CHEK2: variants seen among roughly 807,000 people sequenced by gnomAD.
The protein encoded by CHEK2 is serine/threonine-protein kinase Chk2.
Under a neutral mutation model 69.1 loss-of-function variants are expected in CHEK2, and 71 were observed. The observed-to-expected ratio is 1.03, with a 90% CI of 0.85 to 1.25. The LOEUF (loss-of-function observed/expected upper bound fraction) is 1.25. Among genes scored for constraint, CHEK2 ranks in the 50% most tolerant of loss-of-function variants. The pLI, the probability that CHEK2 is intolerant of heterozygous loss-of-function variation, is 0.00. For synonymous variants in CHEK2, 189 were observed against 226.9 expected, an observed-to-expected ratio of 0.83 and a Z score of 1.50; for missense variants, 664 against 649.6, an observed-to-expected ratio of 1.02 and a Z score of -0.24.
At chr22:28,718,793 G>T (rs906978710) in intron 5 of CHEK2, among the ~76,000 whole-genome samples, 4 of 151,338 alleles carry the variant, frequency 2.6e-5, no homozygotes, top group African/African-American at 9.7e-5. Context: ...AAGGTGGGAG[G>T]ATCACTTGAG....
intron 9 of CHEK2, among the ~76,000 whole-genome samples, chr22:28,697,608 C>G (rs932182832): frequency 6.6e-6 from 1 of 151,354 alleles, no homozygotes; most frequent in East Asian, 1.9e-4. Context: ...CTCACTCTGT[C>G]CCCCAGGCTG....
chr22:28,703,358 C>G (rs890514179), intron 8 of CHEK2, 147 bp downstream of exon 8: 1 of 608,174 alleles, frequency 1.6e-6, no homozygotes, highest in South Asian at 2.0e-5. Flanking sequence ...GATATTAACC[C>G]CCTATACACA....
At position 28,725,095 on chromosome 22, in the gene CHEK2, T is replaced by C. The variant is rs745699485; in HGVS notation, c.474A>G (p.Ala158=). ...REVGPKNSYI[A]YIEDHSGNGT... Reference sequence around the variant, plus strand: ...CATTGCCACTGTGATCTTCTATGTATGCAATGTAAGAGTTTTTAGGACCCA... The same window carrying C: ...CATTGCCACTGTGATCTTCTATGTACGCAATGTAAGAGTTTTTAGGACCCA... The change falls in exon 4 of 15, where the codon GCA becomes GCG. Residue 158 remains alanine (A), a synonymous_variant. Coordinates refer to ENST00000404276, the MANE Select transcript of CHEK2 (RefSeq NM_007194.4). 82 of 1,614,024 alleles carry C rather than the reference T, an allele frequency of 5.1e-5. No individual in the cohort carries two copies. Among genetic ancestry groups the C allele is most frequent in the Non-Finnish European group, 6.7e-5 (79 of 1,180,016 alleles).
In CHEK2 at chr22:28,699,991, A is replaced by G; in HGVS notation, c.909-54T>C. 2.5e-6 allele frequency: 3 copies of G among 1,185,640 alleles called. No homozygotes were observed. The Middle Eastern group carries it at 5.8e-4, about 230-fold the overall frequency. The allele number at this position is 1,185,640 out of a possible 1,614,324, so 73.4% of individuals were successfully genotyped here. A position where few individuals can be genotyped will look rare whatever the true frequency, so the allele number is the denominator to read the frequency against. On this transcript the variant is annotated intron_variant, in intron 8 of 14. Coordinates refer to ENST00000404276, the MANE Select transcript of CHEK2 (RefSeq NM_007194.4). ...CATTCCTGGGGGAAAACGCACTTGG[A>G]CAGAAGACAATAAAACAACAAAACA...
intron 9 of CHEK2, among the ~76,000 whole-genome samples, chr22:28,699,153 C>T (rs570050226): frequency 1.3e-4 from 20 of 152,070 alleles, no homozygotes; most frequent in Non-Finnish European, 2.4e-4. Context: ...CACAGGTGCC[C>T]GCCACCATGC....
At chr22:28,713,873 G>T (rs1389157070) in intron 5 of CHEK2, among the ~76,000 whole-genome samples, 1 of 151,702 alleles carries the variant, frequency 6.6e-6, no homozygotes, top group Non-Finnish European at 1.5e-5. Context: ...TAGAGACGGG[G>T]TTTCACCATG....
intron 1 of CHEK2, among the ~76,000 whole-genome samples, chr22:28,741,148 CAAAAAA>C (rs71194792): frequency 0.028 from 1,423 of 51,112 alleles, 18 homozygotes; most frequent in African/African-American, 0.093. Flanking sequence ...GACTCCGTCT[CAAAAAA>C]AAAAAAAAAA....
rs17885898 is a variant in CHEK2, at chr22:28,718,582, A to G, written c.683+813T>C. 9.0e-3 allele frequency among the ~76,000 whole-genome samples: 1,376 copies of G among 152,274 alleles called. 27 individuals carry two copies. The highest frequency in any genetic ancestry group is 0.039 in the Admixed American group (595 of 15,272). On this transcript the variant is annotated intron_variant, in intron 5 of 14. Transcript: ENST00000404276. ...AGTAAATGTGGTGTATATATACACAATGAAATACTATACACATGGCCAGGC... is the reference window on the plus strand; with the variant it reads ...AGTAAATGTGGTGTATATATACACAGTGAAATACTATACACATGGCCAGGC...
intron 7 of CHEK2, 94 bp downstream of exon 7, chr22:28,709,912 G>A (rs2053320411): frequency 1.1e-5 from 8 of 754,658 alleles, no homozygotes; most frequent in Non-Finnish European, 1.8e-5. Context: ...CACCACACCT[G>A]GCCAATATTA....
intron 5 of CHEK2, among the ~76,000 whole-genome samples, chr22:28,715,830 T>C (rs142863721): frequency 3.9e-4 from 60 of 152,210 alleles, no homozygotes; most frequent in African/African-American, 1.3e-3. Flanking sequence ...AATCTTCCCT[T>C]AGGAAAACAT....
At position 28,721,007 on chromosome 22, in the gene CHEK2, C is replaced by T. The variant is rs569076307; in HGVS notation, c.593-1522G>A. Among the ~76,000 whole-genome samples, 5 of 152,232 alleles carry T rather than the reference C, an allele frequency of 3.3e-5. No individual in the cohort carries two copies. The East Asian group carries it at 5.8e-4, about 18-fold the overall frequency. ...CTCTACTCAGTGCCTACAGATCCTCCGGTTGTGGGACTATAGACTCACTGT... is the reference window on the plus strand; with the variant it reads ...CTCTACTCAGTGCCTACAGATCCTCTGGTTGTGGGACTATAGACTCACTGT... On this transcript the variant is annotated intron_variant, in intron 4 of 14. Transcript: ENST00000404276.
At chr22:28,731,557 C>T (rs928765755) in intron 2 of CHEK2, among the ~76,000 whole-genome samples, 1 of 152,172 alleles carries the variant, frequency 6.6e-6, no homozygotes, top group South Asian at 2.1e-4. Context: ...GATCGTACCA[C>T]TGCACTCCAG....
intron 7 of CHEK2, among the ~76,000 whole-genome samples, chr22:28,707,337 A>G (rs1362354616): frequency 6.6e-6 from 1 of 152,242 alleles, no homozygotes; most frequent in Non-Finnish European, 1.5e-5. Flanking sequence ...ACCTTGTGAC[A>G]TAAGTATTCT....
intron 8 of CHEK2, 98 bp downstream of exon 8, chr22:28,703,406 GC>G (rs2052967150): frequency 2.8e-6 from 2 of 723,350 alleles, no homozygotes; most frequent in Admixed American, 2.2e-5. Context: ...ATACGTTGAG[GC>G]CCCCCAGGAT....
intron 13 of CHEK2, among the ~76,000 whole-genome samples, chr22:28,690,770 G>C (rs79290635): frequency 5.6e-5 from 6 of 106,364 alleles, no homozygotes; most frequent in African/African-American, 2.1e-4. Context: ...CTCCAGCCTA[G>C]GTGAGAGAGC....
At chr22:28,721,221 G>A (rs916667788) in intron 4 of CHEK2, among the ~76,000 whole-genome samples, 1 of 149,926 alleles carries the variant, frequency 6.7e-6, no homozygotes, top group South Asian at 2.1e-4. Context: ...GAGATTTATT[G>A]TACAACATGG....
chr22:28,702,172 T>TGTGTGTGTGTGTG, intron 8 of CHEK2, among the ~76,000 whole-genome samples: 1 of 148,350 alleles, frequency 6.7e-6, no homozygotes, highest in Non-Finnish European at 1.5e-5. Context: ...TGTGTGTGTG[T>TGTGTGTGTGTGTG]TTTGTACAGA....
At chr22:28,740,190 ACT>A (rs1280368514) in intron 1 of CHEK2, among the ~76,000 whole-genome samples, 1 of 151,956 alleles carries the variant, frequency 6.6e-6, no homozygotes, top group Non-Finnish European at 1.5e-5. Flanking sequence ...ACAAAGCGAG[ACT>A]CTGTCTCAAA....
At chr22:28,737,946 C>T (rs2054460014) in intron 1 of CHEK2, 1 of 152,374 alleles carries the variant, frequency 6.6e-6, no homozygotes, top group African/African-American at 2.4e-5. Context: ...TGGTTCATGT[C>T]TGTAATCCCA....
Sources: gnomAD v4.1 joint callset for allele counts (sites outside exome capture counted in the v4.1 genomes callset) on GRCh38, gnomAD v4.1.1 for gene constraint, MANE v1.5 for transcripts, NCBI Gene and HGNC (gene_info 2026-07-23, HGNC 2026-07-21) for gene names.